GNAO1: variants seen among roughly 807,000 people sequenced by gnomAD.
GNAO1 encodes G protein subunit alpha o1.
For synonymous variants in GNAO1, 164 were observed against 180.7 expected (o/e 0.91, Z 0.74); for missense variants, 166 against 478.7 (o/e 0.35, Z 6.10).
At chr16:56,205,312 G>C (rs11076143) in intron 2 of GNAO1, among the ~76,000 whole-genome samples, 71,686 of 152,102 alleles carry the variant, frequency 0.47, 17,100 homozygotes, top group East Asian at 0.59. Flanking sequence ...AAAGAAAAAG[G>C]AAGGCTGTGA....
intron 3 of GNAO1, among the ~76,000 whole-genome samples, chr16:56,300,008 C>T (rs1032753666): frequency 3.1e-5 from 4 of 129,782 alleles, no homozygotes; most frequent in South Asian, 5.7e-4. Flanking sequence ...GATTGGGGTT[C>T]GTGTGTGTGT....
Position 56,326,290 on chromosome 16 carries a change from G to A in GNAO1, c.304-2341G>A, listed in dbSNP as rs1037995876. On this transcript the variant is annotated intron_variant, in intron 3 of 8. Coordinates refer to ENST00000262493, the MANE Select transcript of GNAO1 (RefSeq NM_020988.3). The surrounding 1 kb of genome is among the most constrained non-coding windows in gnomAD (Gnocchi z 4.8). ...CCAGGAATAGAGGGGCCACTCGGAT[G>A]GTGGTTACCTTGCATTTTGGTTAGG... is the stretch of plus-strand genomic sequence containing the variant. Among the ~76,000 whole-genome samples the A allele has an allele frequency of 1.3e-5, 2 of 152,220 alleles. No individual in the cohort carries two copies. The highest frequency in any genetic ancestry group is 2.9e-5 in the Non-Finnish European group (2 of 68,034).
At chr16:56,244,508 G>A (rs951080016) in intron 2 of GNAO1, among the ~76,000 whole-genome samples, 4 of 152,044 alleles carry the variant, frequency 2.6e-5, no homozygotes, top group East Asian at 1.9e-4. Context: ...TAGCAGTCAC[G>A]TATCTGACTC....
chr16:56,287,229 C>T (rs564616756), intron 3 of GNAO1, among the ~76,000 whole-genome samples: 1 of 152,320 alleles, frequency 6.6e-6, no homozygotes, highest in South Asian at 2.1e-4. Context: ...GAAGAGGCCT[C>T]CACTAGAAGT....
rs565692020 is a variant in GNAO1 at position 56,252,776 on chromosome 16, G to A, written c.162-23155G>A. Among the ~76,000 whole-genome samples the A allele has an allele frequency of 4.6e-5, 7 of 152,208 alleles. No individual in the cohort carries two copies. The East Asian group carries it at 5.8e-4, about 13-fold the overall frequency. ...CCCTCCCAACCTTCCTCCTGGCCCC[G>A]GCCCCATCCAGCTGTTCCTTCTTGT... On this transcript the variant is annotated intron_variant, in intron 2 of 8. Coordinates refer to ENST00000262493, the MANE Select transcript of GNAO1 (RefSeq NM_020988.3).
rs1596787432 is a variant in GNAO1, at chr16:56,192,365, C to T, written c.118+12C>T. The T allele has an allele frequency of 6.8e-7, 1 of 1,474,110 alleles. No homozygotes were observed. Among genetic ancestry groups the T allele is most frequent in the Non-Finnish European group, 9.5e-7 (1 of 1,053,700 alleles). The allele number at this position is 1,474,110 out of a possible 1,614,324, so 91.3% of individuals were successfully genotyped here. On this transcript the variant is annotated intron_variant, in intron 1 of 8. Coordinates refer to ENST00000262493, the MANE Select transcript of GNAO1 (RefSeq NM_020988.3). ...ATTACTCCTGCTCGGTAAGGACCGCCGCTGCTACCCCCATCCCCCGACCCC... is the reference window on the plus strand; with the variant it reads ...ATTACTCCTGCTCGGTAAGGACCGCTGCTGCTACCCCCATCCCCCGACCCC...
intron 3 of GNAO1, among the ~76,000 whole-genome samples, chr16:56,286,741 ATCTG>A (rs1218026750): frequency 4.5e-4 from 65 of 145,572 alleles, no homozygotes; most frequent in African/African-American, 9.0e-4. Context: ...GTATGTGTGT[ATCTG>A]TCTGTCTGTC....
chr16:56,275,025 G>A (rs2037049797), intron 2 of GNAO1, among the ~76,000 whole-genome samples: 1 of 152,236 alleles, frequency 6.6e-6, no homozygotes. Context: ...ATGGTAGAAA[G>A]GAGGTCTCAG....
chr16:56,247,608 C>T (rs1278413670), intron 2 of GNAO1, among the ~76,000 whole-genome samples: 1 of 150,716 alleles, frequency 6.6e-6, no homozygotes, highest in Non-Finnish European at 1.5e-5. Context: ...AATAGGTCCT[C>T]AACAAATAAT....
intron 6 of GNAO1, chr16:56,340,712 C>T: frequency 1.2e-6 from 1 of 823,328 alleles, no homozygotes; most frequent in Admixed American, 2.1e-5. Context: ...GGTCTCCGTC[C>T]CGGTGGTGCA....
chr16:56,328,544 AGTCCCCGCTAG>A, intron 3 of GNAO1, 76 bp from the exon 4 acceptor site: 1 of 1,371,322 alleles, frequency 7.3e-7, no homozygotes, highest in Admixed American at 1.8e-5. Flanking sequence ...CTCTCATCAC[AGTCCCCGCTAG>A]GGGAGAGCCC....
intron 2 of GNAO1, among the ~76,000 whole-genome samples, chr16:56,238,519 T>A (rs1419738850): frequency 6.6e-6 from 1 of 152,224 alleles, no homozygotes; most frequent in Non-Finnish European, 1.5e-5. Context: ...GTTAATAATG[T>A]CAACATAGTG....
At chr16:56,276,322 A>T in intron 3 of GNAO1, 1 of 358,448 alleles carries the variant, frequency 2.8e-6, no homozygotes. Context: ...GATGAGGAAG[A>T]GTTGGTGACA....
chr16:56,315,683 C>T (rs1048000401), intron 3 of GNAO1, among the ~76,000 whole-genome samples: 1 of 152,090 alleles, frequency 6.6e-6, no homozygotes, highest in Non-Finnish European at 1.5e-5. Context: ...TCCTGGTGGT[C>T]AGAAGCCTTG....
intron 3 of GNAO1, among the ~76,000 whole-genome samples, chr16:56,291,068 G>T (rs1720514413): frequency 6.6e-6 from 1 of 152,146 alleles, no homozygotes; most frequent in Non-Finnish European, 1.5e-5. Flanking sequence ...GAATAATGCT[G>T]CTGTGAACAT....
intron 2 of GNAO1, among the ~76,000 whole-genome samples, chr16:56,256,169 C>T (rs2143468917): frequency 6.6e-6 from 1 of 152,232 alleles, no homozygotes; most frequent in East Asian, 1.9e-4. Context: ...GGGAGTGGAG[C>T]TGTCCTTACC....
rs1384851672 is a variant in GNAO1 at position 56,269,548 on chromosome 16, G to A, written c.162-6383G>A. Among the ~76,000 whole-genome samples the A allele has an allele frequency of 2.6e-5, 4 of 152,116 alleles. No homozygotes were observed. The South Asian group carries it at 6.2e-4, about 24-fold the overall frequency. On this transcript the variant is annotated intron_variant, in intron 2 of 8. Transcript: ENST00000262493. ...AACCATGAACCAGCTCTGTTACCACGCCCATCTCCCAGGAACAGATGCGGA... is the reference window on the plus strand; with the variant it reads ...AACCATGAACCAGCTCTGTTACCACACCCATCTCCCAGGAACAGATGCGGA...
intron 2 of GNAO1, among the ~76,000 whole-genome samples, chr16:56,202,882 G>C (rs1263735631): frequency 6.6e-6 from 1 of 152,206 alleles, no homozygotes; most frequent in African/African-American, 2.4e-5. Flanking sequence ...GGTGCTCGGA[G>C]TGTCAGTGAT....
At chr16:56,249,627 A>G (rs1199449380) in intron 2 of GNAO1, among the ~76,000 whole-genome samples, 2 of 152,206 alleles carry the variant, frequency 1.3e-5, no homozygotes, top group Non-Finnish European at 2.9e-5. Flanking sequence ...CATACCGGAA[A>G]TTATGAACAC....
Sources: gnomAD v4.1 joint callset for allele counts (sites outside exome capture counted in the v4.1 genomes callset) on GRCh38, gnomAD v4.1.1 for gene constraint, Gnocchi (gnomAD v3.1) non-coding constraint, MANE v1.5 for transcripts, NCBI Gene and HGNC (gene_info 2026-07-23, HGNC 2026-07-21) for gene names.